Variants in PKN2 observed in about 807,000 individuals in gnomAD.
PKN2 encodes the protein protein kinase N2.
Under a neutral mutation model 119.1 loss-of-function variants are expected in PKN2, and 38 were observed. The observed-to-expected ratio is 0.32, with a 90% confidence interval of 0.25 to 0.42. The LOEUF is 0.42. PKN2 is among the 10% of genes least tolerant of loss of function. The pLI is 1.00. For missense variants in PKN2, 850 were observed against 1,165.1 expected (o/e 0.73, Z 3.94); for synonymous variants, 390 against 384.9 (o/e 1.01, Z -0.15).
intron 15 of PKN2, among the ~76,000 whole-genome samples, chr1:88,812,458 G>A (rs1671816287): frequency 6.6e-6 from 1 of 152,044 alleles, no homozygotes; most frequent in Non-Finnish European, 1.5e-5. Context: ...CTATGGACAG[G>A]GGCTGGTATG....
At chr1:88,693,125 T>C (rs1018573512) in intron 1 of PKN2, among the ~76,000 whole-genome samples, 2 of 152,202 alleles carry the variant, frequency 1.3e-5, no homozygotes, top group Non-Finnish European at 2.9e-5. Context: ...TTGCTTATTT[T>C]CCAATTCCAT....
chr1:88,737,139 C>T (rs1557576911), intron 1 of PKN2, among the ~76,000 whole-genome samples: 1 of 152,130 alleles, frequency 6.6e-6, no homozygotes, highest in African/African-American at 2.4e-5. Context: ...TAGCTCACAC[C>T]TGAAAACCAT....
At chr1:88,785,216 C>T (rs1027021249) in intron 7 of PKN2, among the ~76,000 whole-genome samples, 2 of 152,116 alleles carry the variant, frequency 1.3e-5, no homozygotes, top group African/African-American at 4.8e-5. Context: ...CAGGTCTCAA[C>T]CTGCTGGGTT....
intron 1 of PKN2, among the ~76,000 whole-genome samples, chr1:88,709,789 G>A (rs1667151016): frequency 6.6e-6 from 1 of 152,070 alleles, no homozygotes; most frequent in African/African-American, 2.4e-5. Context: ...AAATTATGCT[G>A]GGTCTCCAGT....
At chr1:88,823,526 A>T (rs931238816) in intron 17 of PKN2, among the ~76,000 whole-genome samples, 3 of 151,644 alleles carry the variant, frequency 2.0e-5, no homozygotes, top group Non-Finnish European at 4.4e-5. Context: ...ACATGGTGAA[A>T]ACCCATCTCT....
chr1:88,836,161 G>A lies in PKN2; in HGVS notation c.*2713G>A, dbSNP rs756642967. ...TGTTTTAATTAAGATGCAAGCACCA[G>A]TATTGTATGTACTTTTCTCTTGTTT... On this transcript the variant is annotated 3_prime_UTR_variant, in exon 22 of 22. Transcript: ENST00000370521. 6.6e-6 allele frequency: 1 copy of A among 152,044 alleles called. No individual in the cohort carries two copies. The highest frequency in any genetic ancestry group is 1.5e-5 in the Non-Finnish European group (1 of 67,986). The allele number at this position is 152,044 out of a possible 1,614,324, so 9.4% of individuals were successfully genotyped here. A position where few individuals can be genotyped will look rare whatever the true frequency, so the allele number is the denominator to read the frequency against.
chr1:88,697,054 T>G (rs746218957), intron 1 of PKN2, among the ~76,000 whole-genome samples: 12 of 152,156 alleles, frequency 7.9e-5, no homozygotes, highest in Non-Finnish European at 1.3e-4. Context: ...TATGAATATA[T>G]TTATATCTAA....
chr1:88,730,218 G>A (rs1030961523), intron 1 of PKN2, among the ~76,000 whole-genome samples: 22 of 151,624 alleles, frequency 1.5e-4, no homozygotes, highest in African/African-American at 5.1e-4. Flanking sequence ...ATATGATCTT[G>A]CCTTAACCAA....
chr1:88,797,579 T>A (rs1315874729), intron 8 of PKN2, among the ~76,000 whole-genome samples: 20 of 151,482 alleles, frequency 1.3e-4, no homozygotes, highest in Admixed American at 1.3e-3. Context: ...GAGGCAGAAG[T>A]TGCAGTGAGC....
At chr1:88,703,425 C>T (rs781285889) in intron 1 of PKN2, among the ~76,000 whole-genome samples, 66 of 152,064 alleles carry the variant, frequency 4.3e-4, no homozygotes, top group Middle Eastern at 3.4e-3. Context: ...GAGATATTGG[C>T]TTATTTTTGT....
intron 1 of PKN2, 39 bp from the exon 2 acceptor site, chr1:88,740,949 T>G: frequency 7.1e-7 from 1 of 1,413,740 alleles, no homozygotes; most frequent in Non-Finnish European, 9.6e-7. Flanking sequence ...CAGCCAACTC[T>G]CCTAAACTCC....
intron 2 of PKN2, among the ~76,000 whole-genome samples, chr1:88,741,786 CAT>C (rs1442092972): frequency 2.0e-5 from 3 of 151,784 alleles, no homozygotes; most frequent in African/African-American, 7.3e-5. Context: ...AAAAGAAAAA[CAT>C]AATAGAAAAA....
At chr1:88,742,589 G>C (rs1245691491) in intron 2 of PKN2, among the ~76,000 whole-genome samples, 2 of 151,862 alleles carry the variant, frequency 1.3e-5, no homozygotes, top group Non-Finnish European at 2.9e-5. Flanking sequence ...TCTTCATCTA[G>C]TATTCTTACA....
chr1:88,817,937 C>G (rs915138870), intron 16 of PKN2, among the ~76,000 whole-genome samples: 4 of 152,146 alleles, frequency 2.6e-5, no homozygotes, highest in Non-Finnish European at 5.9e-5. Flanking sequence ...CAAATTGTCT[C>G]TGTTTGGAGA....
At chr1:88,720,375 T>C (rs968345262) in intron 1 of PKN2, among the ~76,000 whole-genome samples, 4 of 151,976 alleles carry the variant, frequency 2.6e-5, no homozygotes, top group African/African-American at 9.7e-5. Flanking sequence ...TTCTTAAGAG[T>C]TGTTTAGATT....
chr1:88,746,671 G>T (rs1289710356), intron 2 of PKN2, among the ~76,000 whole-genome samples: 1 of 152,124 alleles, frequency 6.6e-6, no homozygotes, highest in Non-Finnish European at 1.5e-5. Flanking sequence ...TGTAACATTA[G>T]TATGGCCACT....
intron 18 of PKN2, among the ~76,000 whole-genome samples, chr1:88,825,941 C>T (rs1672483166): frequency 6.6e-6 from 1 of 152,196 alleles, no homozygotes; most frequent in Non-Finnish European, 1.5e-5. Context: ...CCCTCTAGCA[C>T]TGTCACCCAT....
At chr1:88,821,468 C>T (rs1672287348) in intron 16 of PKN2, among the ~76,000 whole-genome samples, 1 of 152,294 alleles carries the variant, frequency 6.6e-6, no homozygotes, top group African/African-American at 2.4e-5. Flanking sequence ...CAAGGTCCTT[C>T]GCCCAGGATA....
At position 88,684,536 on chromosome 1, in the gene PKN2, G is replaced by A; in HGVS notation, c.-45G>A. 1.3e-6 allele frequency: 2 copies of A among 1,494,610 alleles called. No individual in the cohort carries two copies. The highest frequency in any genetic ancestry group is 8.9e-7 in the Non-Finnish European group (1 of 1,117,636). The allele number at this position is 1,494,610 out of a possible 1,614,324, so 92.6% of individuals were successfully genotyped here. A position where few individuals can be genotyped will look rare whatever the true frequency, so the allele number is the denominator to read the frequency against. ...GAGCCCCGTCCCGCCTTCTCCCTTC[G>A]CCAGAGGCGGCCGCGTCCAGGTGCG... On this transcript the variant is annotated 5_prime_UTR_variant, in exon 1 of 22. Transcript: ENST00000370521.
Sources: allele counts gnomAD v4.1 joint callset (sites outside exome capture counted in the v4.1 genomes callset), GRCh38; gene constraint gnomAD v4.1.1; transcripts MANE v1.5; gene names NCBI Gene and HGNC (gene_info 2026-07-23, HGNC 2026-07-21).